Variants in IL1RAPL2 observed in about 807,000 individuals in gnomAD.
IL1RAPL2 encodes X-linked interleukin-1 receptor accessory protein-like 2.
Under a neutral mutation model 44.1 loss-of-function variants are expected in IL1RAPL2, and 3 were observed. The observed-to-expected ratio is 0.07, with a 90% CI of 0.03 to 0.18. The LOEUF (loss-of-function observed/expected upper bound fraction) is 0.18, where lower values mean the gene tolerates loss of function less well. Among genes scored for constraint, IL1RAPL2 ranks in the 10% least tolerant of loss-of-function variants. The pLI, the probability that IL1RAPL2 is intolerant of heterozygous loss-of-function variation, is 1.00. For missense variants in IL1RAPL2, 391 were observed against 496.4 expected, an observed-to-expected ratio of 0.79 and a Z score of 2.02; for synonymous variants, 181 against 178.8, an observed-to-expected ratio of 1.01 and a Z score of -0.10.
At chrX:105,484,274 C>T in intron 5 of IL1RAPL2, 39 bp from the exon 6 acceptor site, 2 of 974,943 alleles carry the variant, frequency 2.1e-6, no homozygotes, top group Non-Finnish European at 2.9e-6. Context: ...TGTAATTTAT[C>T]TCAATTTTTC....
At chrX:105,484,477 A>G (rs2036252866) in intron 6 of IL1RAPL2, 90 bp downstream of exon 6, 1 of 591,044 alleles carries the variant, frequency 1.7e-6, no homozygotes, top group Admixed American at 2.4e-5. Flanking sequence ...GTTTATTGCC[A>G]CTGTTATTAC....
chrX:104,745,968 T>C (rs1160600397), intron 2 of IL1RAPL2, among the ~76,000 whole-genome samples: 2 of 111,918 alleles, frequency 1.8e-5, no homozygotes, highest in Non-Finnish European at 3.8e-5. Flanking sequence ...TAAATGTTTG[T>C]AAAACTTTTT....
At chrX:105,350,916 A>C (rs2035148322) in intron 5 of IL1RAPL2, among the ~76,000 whole-genome samples, 1 of 112,045 alleles carries the variant, frequency 8.9e-6, no homozygotes, top group Non-Finnish European at 1.9e-5. Context: ...CAAAGAACTT[A>C]AACAAATTTA....
intron 7 of IL1RAPL2, among the ~76,000 whole-genome samples, chrX:105,731,381 C>T (rs972764504): frequency 9.1e-5 from 10 of 110,251 alleles, no homozygotes; most frequent in African/African-American, 3.0e-4. Context: ...AGTAACGTCT[C>T]CCAACAAAGA....
At chrX:105,508,905 GACAA>G (rs1021742530) in intron 6 of IL1RAPL2, among the ~76,000 whole-genome samples, 1 of 111,757 alleles carries the variant, frequency 8.9e-6, no homozygotes, top group Non-Finnish European at 1.9e-5. Context: ...AGTGTCAGGA[GACAA>G]ACAATAAGAT....
chrX:104,667,651 A>G (rs1198290093), intron 2 of IL1RAPL2, among the ~76,000 whole-genome samples: 1 of 111,410 alleles, frequency 9.0e-6, no homozygotes, highest in African/African-American at 3.3e-5. Flanking sequence ...TCACTCGTCC[A>G]TGTTGTGCCT....
intron 6 of IL1RAPL2, among the ~76,000 whole-genome samples, chrX:105,545,497 GT>G (rs1331889283): frequency 1.8e-5 from 2 of 112,271 alleles, no homozygotes; most frequent in Non-Finnish European, 3.8e-5. Flanking sequence ...TTGATTTTTT[GT>G]GGGAGAGGCA....
rs1209578587 is a variant in IL1RAPL2, at chrX:105,174,884, T to G, written c.83-20591T>G. Among the ~76,000 whole-genome samples, 3 of 111,715 alleles carry G rather than the reference T, an allele frequency of 2.7e-5. No homozygotes were observed. The East Asian group carries it at 8.5e-4, about 31-fold the overall frequency. ...GATATAACAATAAGATCGCTATAAT[T>G]TGAATAAAATACTAGTTATGTGTGA... On this transcript the variant is annotated intron_variant, in intron 2 of 10. Transcript: ENST00000372582.
At chrX:104,974,172 A>G (rs890839527) in intron 2 of IL1RAPL2, among the ~76,000 whole-genome samples, 5 of 111,759 alleles carry the variant, frequency 4.5e-5, no homozygotes, top group African/African-American at 1.3e-4. Flanking sequence ...TTAAGCATCT[A>G]TTCCATTCAC....
Position 105,029,701 on chromosome X carries a change from G to T in IL1RAPL2, c.83-165774G>T, listed in dbSNP as rs376313099. Among the ~76,000 whole-genome samples, 4 of 109,957 alleles carry T rather than the reference G, an allele frequency of 3.6e-5. No homozygotes were observed. The East Asian group carries it at 8.6e-4, about 24-fold the overall frequency. On this transcript the variant is annotated intron_variant, in intron 2 of 10. Coordinates refer to ENST00000372582, the MANE Select transcript of IL1RAPL2 (RefSeq NM_017416.2). ...AGTCTTTGCTATTGTGAATAGTGCC[G>T]CAATAAACATACGTGTGCATGTATC...
chrX:104,887,369 C>G (rs1362260702), intron 2 of IL1RAPL2, among the ~76,000 whole-genome samples: 1 of 112,205 alleles, frequency 8.9e-6, no homozygotes, highest in Non-Finnish European at 1.9e-5. Context: ...TCTTGGAGTC[C>G]TTACTTAGAC....
intron 2 of IL1RAPL2, among the ~76,000 whole-genome samples, chrX:105,167,917 C>G (rs7884555): frequency 2.7e-5 from 3 of 110,984 alleles, no homozygotes; most frequent in African/African-American, 9.9e-5. Context: ...TATTATAATT[C>G]CCCTTGTATA....
chrX:105,738,546 A>G (rs1037179727), intron 7 of IL1RAPL2, among the ~76,000 whole-genome samples: 2 of 111,762 alleles, frequency 1.8e-5, no homozygotes, highest in Non-Finnish European at 3.8e-5. Flanking sequence ...TTTCCCATCT[A>G]AAATATTTCA....
At chrX:105,044,285 A>G (rs983239310) in intron 2 of IL1RAPL2, among the ~76,000 whole-genome samples, 3 of 111,278 alleles carry the variant, frequency 2.7e-5, no homozygotes, top group African/African-American at 9.8e-5. Flanking sequence ...GATCCTCCCA[A>G]GTGTTAATAG....
In IL1RAPL2 at chrX:104,626,299, C is replaced by T. The variant is rs866564526; in HGVS notation, c.-19-32596C>T. Among the ~76,000 whole-genome samples the T allele has an allele frequency of 6.9e-5, 7 of 100,917 alleles. No individual in the cohort carries two copies. In the East Asian group the frequency reaches 9.5e-4, roughly 14 times the overall value. 87.6% of individuals were successfully genotyped at this position (100,917 alleles called of 115,157 possible). On this transcript the variant is annotated intron_variant, in intron 1 of 10. Coordinates refer to ENST00000372582, the MANE Select transcript of IL1RAPL2 (RefSeq NM_017416.2). ...ATATCTGGGTTGTGACTGTCTCATG[C>T]GTGTGTGTGTGTGCGTGTGTGTGTG... is the stretch of plus-strand genomic sequence containing the variant.
At chrX:105,538,144 C>T (rs1210415027) in intron 6 of IL1RAPL2, among the ~76,000 whole-genome samples, 1 of 103,434 alleles carries the variant, frequency 9.7e-6, no homozygotes, top group Non-Finnish European at 1.9e-5. Flanking sequence ...TCACGCCATT[C>T]TCCTGCCTCA....
intron 2 of IL1RAPL2, among the ~76,000 whole-genome samples, chrX:104,659,985 T>A (rs1201940191): frequency 8.9e-6 from 1 of 111,751 alleles, no homozygotes; most frequent in Non-Finnish European, 1.9e-5. Flanking sequence ...GATAGCATAT[T>A]AATAAATGTT....
intron 2 of IL1RAPL2, among the ~76,000 whole-genome samples, chrX:104,751,916 C>A (rs922958844): frequency 1.8e-5 from 2 of 110,931 alleles, no homozygotes; most frequent in Non-Finnish European, 3.8e-5. Context: ...AGTGCCTGAA[C>A]CTAGTAAAAC....
At chrX:105,056,899 G>GA (rs376097215) in intron 2 of IL1RAPL2, among the ~76,000 whole-genome samples, 27 of 108,277 alleles carry the variant, frequency 2.5e-4, no homozygotes, top group African/African-American at 7.0e-4. Flanking sequence ...GAATTCATAT[G>GA]AAAAAATGAC....
Sources: gnomAD v4.1 joint callset for allele counts (sites outside exome capture counted in the v4.1 genomes callset) on GRCh38, gnomAD v4.1.1 for gene constraint, MANE v1.5 for transcripts, NCBI Gene and HGNC (gene_info 2026-07-23, HGNC 2026-07-21) for gene names.